Variants in ROM1 observed in about 807,000 individuals in gnomAD.
The protein encoded by ROM1 is rod outer segment membrane protein 1.
Under a neutral mutation model 23.0 loss-of-function variants are expected in ROM1, and 17 were observed. The observed-to-expected ratio is 0.74, with a 90% CI of 0.51 to 1.11. The LOEUF is 1.11. Among genes scored for constraint, ROM1 ranks in the 50% least tolerant of loss-of-function variants. The pLI is 0.00. For missense variants in ROM1, 436 were observed against 439.7 expected (o/e 0.99, Z 0.08); for synonymous variants, 200 against 206.5 (o/e 0.97, Z 0.27).
rs1381986195 is a variant in ROM1 at position 62,614,439 on chromosome 11, C to T, written c.772C>T (p.Leu258=). The T allele has an allele frequency of 6.2e-7, 1 of 1,614,212 alleles. No homozygotes were observed. The highest frequency in any genetic ancestry group is 1.7e-5 in the Admixed American group (1 of 60,028). ...LWAQGCHEVL[L]EHLQDLAGTL... ...GGCCCAAGGGTGCCATGAGGTGCTG[C>T]TGGAGCACTTGCAGGACTTGGCAGG... Residue 258 remains leucine, a synonymous_variant, in exon 2 of 3, where the codon CTG becomes TTG. Transcript: ENST00000278833.
rs756297463 is a variant in ROM1, at chr11:62,613,699, G to C, written c.418G>C (p.Ala140Pro). Residue 140 changes from alanine (A) to proline (P), a missense_variant, in exon 1 of 3, where the codon GCC (alanine) becomes CCC (proline). Transcript: ENST00000278833. ...DEALEEGLVTALAHYKDTEVP... is the reference protein window; with the variant it reads ...DEALEEGLVTPLAHYKDTEVP... The stretch of plus-strand genomic sequence containing the variant: ...GGCGCTGGAGGAGGGCCTGGTGACT[G>C]CCTTGGCTCACTACAAGGACACAGA... 3 of 1,614,214 alleles carry C rather than the reference G, an allele frequency of 1.9e-6. No individual in the cohort carries two copies. The highest frequency in any genetic ancestry group is 1.3e-5 in the African/African-American group (1 of 75,062).
In ROM1 at chr11:62,614,378, C is replaced by A. The variant is rs769675868; in HGVS notation, c.711C>A (p.Pro237=). The A allele has an allele frequency of 6.2e-7, 1 of 1,614,198 alleles. No individual in the cohort carries two copies. Among genetic ancestry groups the A allele is most frequent in the Non-Finnish European group, 8.5e-7 (1 of 1,180,036 alleles). Residue 237 remains proline (P), a synonymous_variant, in exon 2 of 3, where the codon CCC becomes CCA. Coordinates refer to ENST00000278833, the MANE Select transcript of ROM1 (RefSeq NM_000327.4). The stretch of plus-strand genomic sequence containing the variant: ...GTCTTTCAGACTCCTACGCCCACCC[C>A]CTGTTCGATCCCCGACAACCCAACC... ...QNRLSDSYAH[P]LFDPRQPNQN...
Position 62,614,601 on chromosome 11 carries a change from T to C in ROM1, c.838-20T>C. The C allele has an allele frequency of 6.2e-7, 1 of 1,614,146 alleles. No homozygotes were observed. Among genetic ancestry groups the C allele is most frequent in the African/African-American group, 1.3e-5 (1 of 75,046 alleles). On this transcript the variant is annotated intron_variant, in intron 2 of 2. Coordinates refer to ENST00000278833, the MANE Select transcript of ROM1 (RefSeq NM_000327.4). ...GAACCGCTGACTCTCCCTGACTCTT[T>C]CCCCTTGCTTCCCCCACAGGCTCTG...
At position 62,613,706 on chromosome 11, in the gene ROM1, C is replaced by A. The variant is rs1273997596; in HGVS notation, c.425C>A (p.Ala142Asp). The A allele has an allele frequency of 6.2e-7, 1 of 1,614,176 alleles. No individual in the cohort carries two copies. Among genetic ancestry groups the A allele is most frequent in the South Asian group, 1.1e-5 (1 of 91,086 alleles). The part of the protein sequence containing the change: ...ALEEGLVTAL[A>D]HYKDTEVPGH... The stretch of plus-strand genomic sequence containing the variant: ...GAGGAGGGCCTGGTGACTGCCTTGG[C>A]TCACTACAAGGACACAGAGGTGCCT... Residue 142 changes from alanine to aspartate, a missense_variant, in exon 1 of 3, where the codon GCT becomes GAT. Ala to Asp is a moderately radical substitution (Grantham distance 126). Coordinates refer to ENST00000278833, the MANE Select transcript of ROM1 (RefSeq NM_000327.4).
In ROM1 at chr11:62,614,747, G is replaced by A. The variant is rs1296946412; in HGVS notation, c.964G>A (p.Ala322Thr). The change falls in exon 3 of 3, where the codon GCA becomes ACA. Residue 322 changes from alanine to threonine, a missense_variant. Coordinates refer to ENST00000278833, the MANE Select transcript of ROM1 (RefSeq NM_000327.4). ...PSGLKDMLKT[A>T]WLQGGVACRP... ...TGGGCTGAAAGATATGCTGAAAACA[G>A]CATGGCTACAGGGAGGGGTTGCCTG... The A allele has an allele frequency of 6.2e-7, 1 of 1,614,208 alleles. No individual in the cohort carries two copies. The highest frequency in any genetic ancestry group is 8.5e-7 in the Non-Finnish European group (1 of 1,180,018).
Position 62,613,561 on chromosome 11 carries a change from C to T in ROM1, c.280C>T (p.Pro94Ser). The T allele has an allele frequency of 1.2e-6, 2 of 1,613,744 alleles. No individual in the cohort carries two copies. The highest frequency in any genetic ancestry group is 1.7e-4 in the Middle Eastern group (1 of 6,052). ...GGCAAGTCTGAATGCAGCTCTATAC[C>T]CTCCCTGGCGAGGGGTCCTGGGCCC... Reference protein sequence around the residue: ...SRASLNAALYPPWRGVLGPLL... With the variant: ...SRASLNAALYSPWRGVLGPLL... Residue 94 changes from proline (P) to serine (S), a missense_variant, in exon 1 of 3, where the codon CCT becomes TCT. Pro to Ser is a moderately conservative substitution (Grantham distance 74). Coordinates refer to ENST00000278833, the MANE Select transcript of ROM1 (RefSeq NM_000327.4).
chr11:62,613,506 C>T lies in ROM1; in HGVS notation c.225C>T (p.Gly75=), dbSNP rs1420541532. 6.2e-7 allele frequency: 1 copy of T among 1,613,810 alleles called. No homozygotes were observed. Among genetic ancestry groups the T allele is most frequent in the South Asian group, 1.1e-5 (1 of 91,064 alleles). ...AALAAGAVAL[G]TGLVGVGASR... is the part of the protein sequence containing the mutation. ...TGGCAGCGGGCGCGGTGGCTCTGGG[C>T]ACAGGACTAGTGGGTGTAGGAGCCA... The change falls in exon 1 of 3, where the codon GGC becomes GGT. Residue 75 remains glycine (G), a synonymous_variant. Coordinates refer to ENST00000278833, the MANE Select transcript of ROM1 (RefSeq NM_000327.4).
In ROM1 at chr11:62,613,752, G is replaced by T; in HGVS notation, c.471G>T (p.Arg157Ser). 1 of 1,614,204 alleles carries T rather than the reference G, an allele frequency of 6.2e-7. No individual in the cohort carries two copies. The highest frequency in any genetic ancestry group is 8.5e-7 in the Non-Finnish European group (1 of 1,180,034). The change falls in exon 1 of 3, where the codon AGG (arginine) becomes AGT (serine). Residue 157 changes from arginine to serine, a missense_variant. Transcript: ENST00000278833. ...TEVPGHCQAK[R>S]LVDELQLRYH... ...TGCCTGGGCACTGTCAGGCCAAAAG[G>T]CTGGTGGATGAGCTGCAACTGAGGT...
chr11:62,614,584 G>A, intron 2 of ROM1, 37 bp from the exon 3 acceptor site: 1 of 1,614,104 alleles, frequency 6.2e-7, no homozygotes. Context: ...TGGAACCGCT[G>A]ACTCTCCCTG....
At position 62,614,752 on chromosome 11, in the gene ROM1, G is replaced by A; in HGVS notation, c.969G>A (p.Trp323Ter). The A allele has an allele frequency of 6.2e-7, 1 of 1,614,228 alleles. No individual in the cohort carries two copies. ...SGLKDMLKTA[W>*]LQGGVACRPA... is the part of the protein sequence containing the mutation. Reference sequence around the variant, plus strand: ...TGAAAGATATGCTGAAAACAGCATGGCTACAGGGAGGGGTTGCCTGCAGGC... The same window carrying A: ...TGAAAGATATGCTGAAAACAGCATGACTACAGGGAGGGGTTGCCTGCAGGC... The change falls in exon 3 of 3, where the codon TGG becomes TGA. Residue 323 changes from tryptophan to a stop codon, truncating the protein, a stop_gained. Coordinates refer to ENST00000278833, the MANE Select transcript of ROM1 (RefSeq NM_000327.4). LOFTEE classifies it high-confidence loss of function.
In ROM1 at chr11:62,614,934, A is replaced by G; in HGVS notation, c.*95A>G. On this transcript the variant is annotated 3_prime_UTR_variant, in exon 3 of 3. Coordinates refer to ENST00000278833, the MANE Select transcript of ROM1 (RefSeq NM_000327.4). ...GGCTCCAGGTTGGGGGGATCGTAGG[A>G]TTAGAGGGGCTAAGGATAGTCAGCG... 9.5e-7 allele frequency: 1 copy of G among 1,048,910 alleles called. No homozygotes were observed. Among genetic ancestry groups the G allele is most frequent in the Non-Finnish European group, 1.4e-6 (1 of 695,354 alleles). The allele number at this position is 1,048,910 out of a possible 1,614,324, so 65.0% of individuals were successfully genotyped here.
chr11:62,614,822 G>GATCT lies in ROM1; in HGVS notation c.1044_1047dup (p.Glu350IlefsTer2), dbSNP rs1425633328. ...ACCAGGAGAAGCACCTCCCAAGGAG[G>GATCT]ATCTATCTGAGGCCTAGAGGCCTGG... On this transcript the variant is annotated frameshift_variant, in exon 3 of 3. Transcript: ENST00000278833. LOFTEE classifies it high-confidence loss of function. The GATCT allele has an allele frequency of 6.2e-6, 10 of 1,613,868 alleles. No homozygotes were observed. The highest frequency in any genetic ancestry group is 8.5e-6 in the Non-Finnish European group (10 of 1,179,996).
In ROM1 at chr11:62,614,617, A is replaced by AC. The variant is rs770356785; in HGVS notation, c.838-3dup. 6.2e-7 allele frequency: 1 copy of AC among 1,614,070 alleles called. No individual in the cohort carries two copies. On this transcript the variant is annotated splice_polypyrimidine_tract_variant and splice_region_variant and intron_variant, in intron 2 of 2. Coordinates refer to ENST00000278833, the MANE Select transcript of ROM1 (RefSeq NM_000327.4). ...CTGACTCTTTCCCCTTGCTTCCCCC[A>AC]CAGGCTCTGGTGCTCCTTGGCCTGC... is the stretch of plus-strand genomic sequence containing the variant.
chr11:62,614,926 A>C lies in ROM1; in HGVS notation c.*87A>C, dbSNP rs1396620864. On this transcript the variant is annotated 3_prime_UTR_variant, in exon 3 of 3. Transcript: ENST00000278833. ...CTTACCAAGGCTCCAGGTTGGGGGG[A>C]TCGTAGGATTAGAGGGGCTAAGGAT... is the stretch of plus-strand genomic sequence containing the variant. The C allele has an allele frequency of 6.9e-6, 8 of 1,161,992 alleles. No homozygotes were observed. The Admixed American group carries it at 1.5e-4, about 22-fold the overall frequency. The allele number at this position is 1,161,992 out of a possible 1,614,324, so 72.0% of individuals were successfully genotyped here.
At position 62,613,264 on chromosome 11, in the gene ROM1, C is replaced by G. The variant is rs1228468878; in HGVS notation, c.-18C>G. ...TCCATCCCTGACACCTCTGCATTCC[C>G]TTGGGCAGAGATGGGAGATGGCGCC... On this transcript the variant is annotated 5_prime_UTR_variant, in exon 1 of 3. Coordinates refer to ENST00000278833, the MANE Select transcript of ROM1 (RefSeq NM_000327.4). 3 of 1,580,646 alleles carry G rather than the reference C, an allele frequency of 1.9e-6. No individual in the cohort carries two copies. In the Admixed American group the frequency reaches 5.4e-5, roughly 28 times the overall value.
Position 62,613,880 on chromosome 11 carries a change from T to C in ROM1, c.590+9T>C. ...GACCGGGATGTGGCTGAGTGAGTGATTTGCGTCTCCCTTCCTCCTCCTCCT... is the reference window on the plus strand; with the variant it reads ...GACCGGGATGTGGCTGAGTGAGTGACTTGCGTCTCCCTTCCTCCTCCTCCT... On this transcript the variant is annotated intron_variant, in intron 1 of 2. Coordinates refer to ENST00000278833, the MANE Select transcript of ROM1 (RefSeq NM_000327.4). 6.2e-7 allele frequency: 1 copy of C among 1,613,510 alleles called. No individual in the cohort carries two copies. Among genetic ancestry groups the C allele is most frequent in the Non-Finnish European group, 8.5e-7 (1 of 1,179,846 alleles).
chr11:62,614,634 T>C lies in ROM1; in HGVS notation c.851T>C (p.Leu284Pro). 1 of 1,614,222 alleles carries C rather than the reference T, an allele frequency of 6.2e-7. No individual in the cohort carries two copies. Among genetic ancestry groups the C allele is most frequent in the Non-Finnish European group, 8.5e-7 (1 of 1,180,036 alleles). Residue 284 changes from leucine to proline, a missense_variant, in exon 3 of 3, where the codon CTT (leucine) becomes CCT (proline). Coordinates refer to ENST00000278833, the MANE Select transcript of ROM1 (RefSeq NM_000327.4). ...CTTCCCCCACAGGCTCTGGTGCTCC[T>C]TGGCCTGCGGTACCTGCAAACAGCA... Reference protein sequence around the residue: ...VTFLLQALVLLGLRYLQTALE... With the variant: ...VTFLLQALVLPGLRYLQTALE...
chr11:62,613,491 C>G lies in ROM1; in HGVS notation c.210C>G (p.Gly70=). The G allele has an allele frequency of 1.2e-6, 2 of 1,613,632 alleles. No individual in the cohort carries two copies. Among genetic ancestry groups the G allele is most frequent in the African/African-American group, 2.7e-5 (2 of 75,038 alleles). Residue 70 remains glycine (G), a synonymous_variant, in exon 1 of 3, where the codon GGC becomes GGG. Transcript: ENST00000278833. The stretch of plus-strand genomic sequence containing the variant: ...TGCCCCAGGCTGCCCTGGCAGCGGG[C>G]GCGGTGGCTCTGGGCACAGGACTAG... ...PVLPQAALAA[G]AVALGTGLVG... is the part of the protein sequence containing the mutation.
chr11:62,614,554 G>A (rs1440745623), intron 2 of ROM1, 50 bp downstream of exon 2: 2 of 1,613,932 alleles, frequency 1.2e-6, no homozygotes, highest in Non-Finnish European at 1.7e-6. Flanking sequence ...ACTCCTCCCT[G>A]CCTCCAACCC....
Sources: allele counts gnomAD v4.1 joint callset, GRCh38; gene constraint gnomAD v4.1.1; transcripts MANE v1.5; gene names NCBI Gene and HGNC (gene_info 2026-07-23, HGNC 2026-07-21).